Variants in KLF8 observed in about 807,000 individuals in gnomAD.
The protein encoded by KLF8 is KLF transcription factor 8.
In KLF8, 10 loss-of-function variants were observed where a neutral mutation model predicts 18.2. The ratio of observed to expected loss-of-function variants is 0.55; its 90% CI spans 0.34 to 0.93. The LOEUF is 0.93. KLF8 is among the 40% of genes least tolerant of loss of function. The pLI is 0.02. For missense variants in KLF8, 264 were observed against 277.9 expected (o/e 0.95, Z 0.36); for synonymous variants, 109 against 97.3 (o/e 1.12, Z -0.71).
chrX:56,164,729 C>CTTTTTTTTTTTTTTTTTTTTTT, the KLF8 span, among the ~76,000 whole-genome samples: 1 of 51,920 alleles, frequency 1.9e-5, no homozygotes, highest in Admixed American at 2.5e-4. Flanking sequence ...CTTGTTATCT[C>CTTTTTTTTTTTTTTTTTTTTTT]TTTTTTTTTT....
At chrX:55,928,451 T>G in the KLF8 span, among the ~76,000 whole-genome samples, 1 of 110,539 alleles carries the variant, frequency 9.0e-6, no homozygotes, top group Non-Finnish European at 1.9e-5. Flanking sequence ...GCCATAGTGG[T>G]TTGCTGCACC....
At chrX:56,037,383 G>A in the KLF8 span, among the ~76,000 whole-genome samples, 3 of 110,771 alleles carry the variant, frequency 2.7e-5, no homozygotes, top group South Asian at 1.1e-3. Flanking sequence ...TTTTATTGTT[G>A]TGTCCTTGTC....
At chrX:56,160,034 A>C in the KLF8 span, among the ~76,000 whole-genome samples, 1 of 111,866 alleles carries the variant, frequency 8.9e-6, no homozygotes, top group Non-Finnish European at 1.9e-5. Context: ...TTAGTGCTAT[A>C]AATTTCCCTG....
chrX:56,233,299 G>A lies in KLF8; in HGVS notation c.-36G>A. 8.3e-7 allele frequency: 1 copy of A among 1,208,185 alleles called. No homozygotes were observed. The highest frequency in any genetic ancestry group is 1.1e-6 in the Non-Finnish European group (1 of 892,520). The stretch of plus-strand genomic sequence containing the variant: ...GTATGAGCCTCCCGGAGGACGGCAT[G>A]AGTTCTGGACACTTCAGGAGTCCTC... On this transcript the variant is annotated 5_prime_UTR_variant, in exon 1 of 6. The change abolishes an upstream ATG in the 5' untranslated region. Transcript: ENST00000468660.
the KLF8 span, among the ~76,000 whole-genome samples, chrX:56,076,501 T>C: frequency 9.0e-6 from 1 of 111,377 alleles, no homozygotes; most frequent in East Asian, 2.8e-4. Context: ...TAGTATTCCA[T>C]GGTGTATATG....
At chrX:56,179,272 T>A in the KLF8 span, among the ~76,000 whole-genome samples, 4 of 112,078 alleles carry the variant, frequency 3.6e-5, no homozygotes, top group African/African-American at 1.3e-4. Flanking sequence ...TGGAGTTCAC[T>A]CATGATTTAG....
chrX:55,969,602 T>C, the KLF8 span, among the ~76,000 whole-genome samples: 3 of 110,917 alleles, frequency 2.7e-5, no homozygotes, highest in Admixed American at 9.6e-5. Context: ...AGAGCGGAAA[T>C]ACATGAAAAT....
At chrX:56,091,905 G>A in the KLF8 span, among the ~76,000 whole-genome samples, 1 of 110,752 alleles carries the variant, frequency 9.0e-6, no homozygotes, top group Non-Finnish European at 1.9e-5. Flanking sequence ...TTTCCACAGA[G>A]GTTTTACTAA....
the KLF8 span, among the ~76,000 whole-genome samples, chrX:56,045,225 C>G: frequency 9.0e-6 from 1 of 111,604 alleles, no homozygotes; most frequent in African/African-American, 3.3e-5. Flanking sequence ...GGCTTTATTT[C>G]TGTGTACTTT....
the KLF8 span, among the ~76,000 whole-genome samples, chrX:56,109,711 G>C: frequency 9.0e-5 from 10 of 111,409 alleles, no homozygotes; most frequent in Non-Finnish European, 1.9e-4. Context: ...TTGTTAGATT[G>C]ACCTTTTATC....
At chrX:55,940,330 C>G in the KLF8 span, among the ~76,000 whole-genome samples, 1 of 111,728 alleles carries the variant, frequency 9.0e-6, no homozygotes, top group Non-Finnish European at 1.9e-5. Context: ...TTCAACAACC[C>G]TTCATGCTAA....
the KLF8 span, among the ~76,000 whole-genome samples, chrX:55,944,209 G>C: frequency 1.8e-5 from 2 of 108,838 alleles, no homozygotes; most frequent in African/African-American, 3.4e-5. Flanking sequence ...TAAGCTTTTT[G>C]ATGTGCTGCT....
At chrX:55,912,391 C>T in the KLF8 span, among the ~76,000 whole-genome samples, 1 of 111,126 alleles carries the variant, frequency 9.0e-6, no homozygotes, top group Non-Finnish European at 1.9e-5. Context: ...TATGCCTGTT[C>T]CCATCCCATA....
the KLF8 span, among the ~76,000 whole-genome samples, chrX:55,970,162 T>A: frequency 9.0e-6 from 1 of 111,273 alleles, no homozygotes; most frequent in African/African-American, 3.3e-5. Context: ...AACATTGAAT[T>A]GAAAATCCTC....
At chrX:56,198,894 A>G in the KLF8 span, among the ~76,000 whole-genome samples, 2 of 111,982 alleles carry the variant, frequency 1.8e-5, no homozygotes, top group Non-Finnish European at 3.8e-5. Flanking sequence ...AAAGAGAGTT[A>G]TAGACCAAAG....
At chrX:56,095,858 A>G in the KLF8 span, among the ~76,000 whole-genome samples, 8 of 111,714 alleles carry the variant, frequency 7.2e-5, no homozygotes, top group East Asian at 1.4e-3. Context: ...TGGGAATGTA[A>G]ATTAGTACAA....
the KLF8 span, among the ~76,000 whole-genome samples, chrX:56,199,782 G>A: frequency 2.7e-5 from 3 of 111,480 alleles, no homozygotes; most frequent in African/African-American, 9.8e-5. Context: ...ACATGCACAC[G>A]TATGTTTATT....
chrX:56,073,849 G>A, the KLF8 span, among the ~76,000 whole-genome samples: 2 of 108,863 alleles, frequency 1.8e-5, no homozygotes, highest in African/African-American at 6.7e-5. Flanking sequence ...CAGTTCATGC[G>A]ATTCTCCAGC....
chrX:56,043,546 C>T, the KLF8 span, among the ~76,000 whole-genome samples: 1 of 110,888 alleles, frequency 9.0e-6, no homozygotes, highest in African/African-American at 3.3e-5. Flanking sequence ...TTTTCTCTGC[C>T]TGTCTTATTT....
Sources: gnomAD v4.1 joint callset for allele counts (sites outside exome capture counted in the v4.1 genomes callset) on GRCh38, gnomAD v4.1.1 for gene constraint, MANE v1.5 for transcripts, NCBI Gene and HGNC (gene_info 2026-07-23, HGNC 2026-07-21) for gene names.